FANCI: variants seen among roughly 807,000 people sequenced by gnomAD.
FANCI encodes the protein FA complementation group I, also known as Fanconi anemia group I protein.
Under a neutral mutation model 176.1 loss-of-function variants are expected in FANCI, and 156 were observed. The ratio of observed to expected loss-of-function variants is 0.89; its 90% CI spans 0.78 to 1.01. The LOEUF is 1.01. Ranked by LOEUF, FANCI falls within the 50% of genes least tolerant of loss-of-function variation. FANCI has a pLI of 0.00. For synonymous variants in FANCI, 613 were observed against 541.7 expected (o/e 1.13, Z -1.83); for missense variants, 1,678 against 1,534.1 (o/e 1.09, Z -1.57).
intron 34 of FANCI, among the ~76,000 whole-genome samples, chr15:89,310,968 CA>C (rs776080452): frequency 9.5e-4 from 144 of 151,978 alleles, no homozygotes; most frequent in Admixed American, 2.8e-3. Context: ...ACTAAAGATA[CA>C]AAAAATAGCA....
At chr15:89,275,707 G>A (rs889527505) in intron 12 of FANCI, among the ~76,000 whole-genome samples, 1 of 152,268 alleles carries the variant, frequency 6.6e-6, no homozygotes, top group East Asian at 1.9e-4. Flanking sequence ...TTAAAGTTGG[G>A]CTAAAGAAGG....
At chr15:89,307,111 A>G (rs1418384620) in intron 32 of FANCI, among the ~76,000 whole-genome samples, 3 of 152,220 alleles carry the variant, frequency 2.0e-5, no homozygotes, top group Admixed American at 1.3e-4. Context: ...TGGCTCTCTC[A>G]GAATGTGTAG....
At chr15:89,265,637 C>T (rs576958934) in intron 9 of FANCI, among the ~76,000 whole-genome samples, 1 of 152,060 alleles carries the variant, frequency 6.6e-6, no homozygotes, top group Non-Finnish European at 1.5e-5. Flanking sequence ...GATTCTCCTC[C>T]CTCAGCCTCC....
chr15:89,267,046 G>C (rs994195293), intron 9 of FANCI, among the ~76,000 whole-genome samples: 6 of 152,050 alleles, frequency 3.9e-5, no homozygotes, highest in African/African-American at 1.4e-4. Flanking sequence ...ACTGAGTTCA[G>C]AGGCATTCCA....
intron 37 of FANCI, among the ~76,000 whole-genome samples, chr15:89,315,945 C>T (rs945957419): frequency 2.6e-5 from 4 of 152,180 alleles, no homozygotes; most frequent in African/African-American, 9.7e-5. Context: ...TAATAAGTAG[C>T]AAATCAGTAG....
chr15:89,281,198 A>T lies in FANCI; in HGVS notation c.1410A>T (p.Ala470=), dbSNP rs568593855. ...TGCTTTCAAATATCGTCATGTATGCACCCTTAGTTCTTCAAAGTTGTTCTT... is the reference window on the plus strand; with the variant it reads ...TGCTTTCAAATATCGTCATGTATGCTCCCTTAGTTCTTCAAAGTTGTTCTT... ...LDLLSNIVMY[A]PLVLQSCSSK... is the part of the protein sequence containing the mutation. The change falls in exon 15 of 38, where the codon GCA becomes GCT. Residue 470 remains alanine, a synonymous_variant. Transcript: ENST00000310775. The T allele has an allele frequency of 7.4e-6, 12 of 1,613,684 alleles. No individual in the cohort carries two copies. The highest frequency in any genetic ancestry group is 1.0e-5 in the Non-Finnish European group (12 of 1,179,806).
In FANCI at chr15:89,316,576, C is replaced by T; in HGVS notation, c.*117C>T. The T allele has an allele frequency of 8.8e-7, 1 of 1,138,382 alleles. No homozygotes were observed. Among genetic ancestry groups the T allele is most frequent in the East Asian group, 2.5e-5 (1 of 39,588 alleles). The allele number at this position is 1,138,382 out of a possible 1,614,324, so 70.5% of individuals were successfully genotyped here. On this transcript the variant is annotated 3_prime_UTR_variant, in exon 38 of 38. Coordinates refer to ENST00000310775, the MANE Select transcript of FANCI (RefSeq NM_001113378.2). ...TGTTGGCATCTTGGTTCTGAACCCA[C>T]TGAATTCAACTGCACCTTCAGTTAG...
chr15:89,264,002 T>C lies in FANCI; in HGVS notation c.645T>C (p.Tyr215=). The change falls in exon 8 of 38, where the codon TAT becomes TAC. Residue 215 remains tyrosine (Y), a synonymous_variant. Coordinates refer to ENST00000310775, the MANE Select transcript of FANCI (RefSeq NM_001113378.2). ...TTCAAGAAATACCACCTTTGGTCTA[T>C]CAGCTTCTGGTTCTCTCCTCCAAGG... ...MNLQEIPPLV[Y]QLLVLSSKGS... is the part of the protein sequence containing the mutation. 2 of 1,614,090 alleles carry C rather than the reference T, an allele frequency of 1.2e-6. No individual in the cohort carries two copies. Among genetic ancestry groups the C allele is most frequent in the Middle Eastern group, 3.3e-4 (2 of 6,056 alleles).
At chr15:89,272,294 T>G (rs1192330771) in intron 10 of FANCI, among the ~76,000 whole-genome samples, 1 of 152,226 alleles carries the variant, frequency 6.6e-6, no homozygotes, top group African/African-American at 2.4e-5. Flanking sequence ...TTTGAGTGTG[T>G]TGTTTGTCTT....
intron 9 of FANCI, among the ~76,000 whole-genome samples, chr15:89,267,074 A>G (rs960553628): frequency 6.6e-6 from 1 of 152,086 alleles, no homozygotes; most frequent in Non-Finnish European, 1.5e-5. Context: ...AAGGTCAAGC[A>G]CTTTGGGAGG....
chr15:89,247,556 A>G, intron 1 of FANCI, 73 bp from the exon 2 acceptor site: 1 of 1,046,134 alleles, frequency 9.6e-7, no homozygotes, highest in Non-Finnish European at 1.5e-6. Flanking sequence ...TATTCAGTTA[A>G]CAGGGAAGGA....
chr15:89,305,266 A>C, intron 29 of FANCI, 24 bp downstream of exon 29: 2 of 1,614,210 alleles, frequency 1.2e-6, no homozygotes, highest in South Asian at 1.1e-5. Context: ...CCTTCAGTAC[A>C]ATACCCTGTG....
chr15:89,265,110 A>C (rs965515343), intron 9 of FANCI, among the ~76,000 whole-genome samples: 17 of 152,242 alleles, frequency 1.1e-4, no homozygotes, highest in Admixed American at 1.1e-3. Flanking sequence ...AAGATCCATA[A>C]TATATAGATC....
At chr15:89,294,884 T>C in intron 23 of FANCI, 31 bp from the exon 24 acceptor site, 1 of 1,546,474 alleles carries the variant, frequency 6.5e-7, no homozygotes, top group Non-Finnish European at 8.7e-7. Context: ...GGAATCTTCC[T>C]TTTTCTTTCT....
chr15:89,256,199 G>A (rs1485908953), intron 2 of FANCI, among the ~76,000 whole-genome samples: 1 of 152,176 alleles, frequency 6.6e-6, no homozygotes, highest in Non-Finnish European at 1.5e-5. Context: ...GGGCTGTCCA[G>A]TGCATTGCAG....
At chr15:89,249,272 T>C (rs191372018) in intron 2 of FANCI, among the ~76,000 whole-genome samples, 28 of 152,150 alleles carry the variant, frequency 1.8e-4, no homozygotes, top group African/African-American at 6.5e-4. Context: ...CAAACAGAAA[T>C]GGGAAAATTC....
At chr15:89,305,534 G>C (rs2151917157) in intron 30 of FANCI, 71 bp from the exon 31 acceptor site, 1 of 1,596,310 alleles carries the variant, frequency 6.3e-7, no homozygotes, top group Non-Finnish European at 8.6e-7. Flanking sequence ...TAGGTGGCCA[G>C]GTGACCACAG....
intron 2 of FANCI, among the ~76,000 whole-genome samples, chr15:89,250,511 C>T (rs1319266154): frequency 2.2e-5 from 3 of 136,794 alleles, no homozygotes; most frequent in East Asian, 2.1e-4. Context: ...CACTTGGACA[C>T]GGGAATGGGA....
intron 35 of FANCI, among the ~76,000 whole-genome samples, chr15:89,314,044 GAT>G (rs1434267106): frequency 8.9e-5 from 4 of 45,074 alleles, no homozygotes; most frequent in Non-Finnish European, 2.0e-4. Flanking sequence ...TAGGGGGAAA[GAT>G]ATATAATCAC....
Sources: gnomAD v4.1 joint callset for allele counts (sites outside exome capture counted in the v4.1 genomes callset) on GRCh38, gnomAD v4.1.1 for gene constraint, MANE v1.5 for transcripts, NCBI Gene and HGNC (gene_info 2026-07-23, HGNC 2026-07-21) for gene names.